Variants in ROBO2 observed in about 807,000 individuals in gnomAD.
The protein encoded by ROBO2 is roundabout guidance receptor 2, also known as roundabout homolog 2.
In ROBO2, 53 loss-of-function variants were observed where a neutral mutation model predicts 160.8. The observed-to-expected ratio is 0.33, with a 90% CI of 0.26 to 0.41. The LOEUF (loss-of-function observed/expected upper bound fraction) is 0.41. ROBO2 is among the 10% of genes least tolerant of loss of function. The pLI, the probability that ROBO2 is intolerant of heterozygous loss-of-function variation, is 1.00. For synonymous variants in ROBO2, 664 were observed against 611.7 expected (o/e 1.09, Z -1.26); for missense variants, 1,577 against 1,722.4 (o/e 0.92, Z 1.49).
chr3:76,297,184 A>C (rs2107725525), intron 2 of ROBO2, among the ~76,000 whole-genome samples: 1 of 152,328 alleles, frequency 6.6e-6, no homozygotes, highest in Non-Finnish European at 1.5e-5. Flanking sequence ...TTATGGAGAA[A>C]ATGCAGACAG....
At chr3:76,706,844 T>C (rs1012636966) in intron 2 of ROBO2, among the ~76,000 whole-genome samples, 6 of 152,116 alleles carry the variant, frequency 3.9e-5, no homozygotes, top group Non-Finnish European at 8.8e-5. Context: ...GCTTCTATTA[T>C]CTTTTAACAC....
intron 2 of ROBO2, among the ~76,000 whole-genome samples, chr3:77,442,605 T>C (rs545889914): frequency 6.6e-6 from 1 of 152,328 alleles, no homozygotes; most frequent in African/African-American, 2.4e-5. Flanking sequence ...CACAATATCA[T>C]GGTGCTGTGA....
rs2060938875 is a variant in ROBO2, at chr3:76,995,379, T to C, written c.110-102635T>C. On this transcript the variant is annotated intron_variant, in intron 2 of 26. Transcript: ENST00000487694. ...TGGACATTTGGGTGGGTTCCAAGTC[T>C]TTGCTATTGTGAATAGTGCTGCAAT... Among the ~76,000 whole-genome samples, 2 of 152,204 alleles carry C rather than the reference T, an allele frequency of 1.3e-5. 1 individual carries two copies. The highest frequency in any genetic ancestry group is 4.1e-4 in the South Asian group (2 of 4,832).
intron 2 of ROBO2, among the ~76,000 whole-genome samples, chr3:76,984,026 A>C (rs948162443): frequency 3.3e-5 from 5 of 152,188 alleles, no homozygotes; most frequent in Admixed American, 1.3e-4. Context: ...AGTGAGTGCC[A>C]GCAGGGGAAA....
At chr3:77,534,779 T>C (rs2091981521) in intron 6 of ROBO2, among the ~76,000 whole-genome samples, 1 of 152,212 alleles carries the variant, frequency 6.6e-6, no homozygotes, top group Admixed American at 6.5e-5. Context: ...ATTATTTTCA[T>C]CTCCCCTACA....
chr3:76,868,098 T>C (rs1319478816), intron 2 of ROBO2, among the ~76,000 whole-genome samples: 1 of 152,258 alleles, frequency 6.6e-6, no homozygotes, highest in East Asian at 1.9e-4. Context: ...CACATTTTCA[T>C]AGGCAATGGG....
chr3:77,361,653 G>A (rs1233811950), intron 2 of ROBO2, among the ~76,000 whole-genome samples: 2 of 151,970 alleles, frequency 1.3e-5, no homozygotes, highest in Non-Finnish European at 2.9e-5. Context: ...AGCTGCCCTG[G>A]GCCTCTTTTA....
intron 2 of ROBO2, among the ~76,000 whole-genome samples, chr3:76,335,720 G>T (rs548432503): frequency 6.6e-6 from 1 of 152,082 alleles, no homozygotes; most frequent in African/African-American, 2.4e-5. Context: ...TGGGACTACA[G>T]GCGCCGCCAC....
intron 21 of ROBO2, among the ~76,000 whole-genome samples, chr3:77,609,824 A>ATGTC (rs2094593289): frequency 6.8e-6 from 1 of 148,112 alleles, no homozygotes; most frequent in African/African-American, 2.5e-5. Flanking sequence ...ATATGTATGT[A>ATGTC]TGTAGTTTGA....
chr3:77,118,031 A>C (rs544037777), intron 2 of ROBO2, among the ~76,000 whole-genome samples: 1 of 152,324 alleles, frequency 6.6e-6, no homozygotes, highest in Non-Finnish European at 1.5e-5. Context: ...TGTGCCATTA[A>C]ATTGAAAGGC....
At chr3:77,295,467 C>T (rs141216883) in intron 2 of ROBO2, among the ~76,000 whole-genome samples, 6,182 of 145,966 alleles carry the variant, frequency 0.042, 752 homozygotes, top group African/African-American at 0.15. Context: ...GTAAAATTGA[C>T]GGTTAAATGG....
chr3:75,957,159 C>T (rs1241254778), intron 2 of ROBO2, among the ~76,000 whole-genome samples: 2 of 151,356 alleles, frequency 1.3e-5, no homozygotes, highest in Non-Finnish European at 3.0e-5. Flanking sequence ...ATGTTTTTTA[C>T]TGAAATATTT....
intron 2 of ROBO2, among the ~76,000 whole-genome samples, chr3:76,748,394 C>A (rs1270880691): frequency 6.6e-6 from 1 of 151,270 alleles, no homozygotes; most frequent in Non-Finnish European, 1.5e-5. Flanking sequence ...AGATAAAAAT[C>A]ACAAAAAATA....
intron 2 of ROBO2, among the ~76,000 whole-genome samples, chr3:76,247,739 T>A (rs1705705573): frequency 6.6e-6 from 1 of 152,034 alleles, no homozygotes; most frequent in Non-Finnish European, 1.5e-5. Context: ...TTTCGCAACC[T>A]ACTCATCTGA....
At chr3:77,482,888 G>A (rs1484015831) in intron 4 of ROBO2, among the ~76,000 whole-genome samples, 3 of 152,004 alleles carry the variant, frequency 2.0e-5, no homozygotes, top group Admixed American at 1.3e-4. Context: ...TATTACTGCA[G>A]TATAGACTGC....
chr3:76,141,149 CTCTCTCTCTCTATATATATATA>C (rs2071638200), intron 2 of ROBO2, among the ~76,000 whole-genome samples: 2 of 51,178 alleles, frequency 3.9e-5, no homozygotes, highest in Admixed American at 4.6e-4. Context: ...CTCTCTCTCT[CTCTCTCTCTCTATATATATATA>C]TATATATATA....
chr3:76,116,371 T>C (rs966519245), intron 2 of ROBO2, among the ~76,000 whole-genome samples: 2 of 152,168 alleles, frequency 1.3e-5, no homozygotes, highest in Admixed American at 6.6e-5. Flanking sequence ...CAGTCAGACG[T>C]AGAATAAATT....
intron 2 of ROBO2, among the ~76,000 whole-genome samples, chr3:76,517,245 T>C (rs573543505): frequency 5.8e-4 from 89 of 152,296 alleles, no homozygotes; most frequent in Middle Eastern, 3.4e-3. Context: ...CATCTGCCCA[T>C]TGAATGAATT....
intron 2 of ROBO2, among the ~76,000 whole-genome samples, chr3:76,308,765 A>AAC (rs1438925109): frequency 6.6e-6 from 1 of 152,204 alleles, no homozygotes; most frequent in Non-Finnish European, 1.5e-5. Context: ...CTTGTTGAGC[A>AAC]ACAGTGATTT....
Sources: gnomAD v4.1 joint callset for allele counts (sites outside exome capture counted in the v4.1 genomes callset) on GRCh38, gnomAD v4.1.1 for gene constraint, MANE v1.5 for transcripts, NCBI Gene and HGNC (gene_info 2026-07-23, HGNC 2026-07-21) for gene names.